CPNE4: variants seen among roughly 807,000 people sequenced by gnomAD.
CPNE4 encodes copine 4, also known as copine-4.
In CPNE4, 25 loss-of-function variants were observed where a neutral mutation model predicts 67.9. That is an observed-to-expected ratio of 0.37 (90% CI 0.27 to 0.51). The LOEUF is 0.51. CPNE4 is among the 20% of genes least tolerant of loss of function. The pLI is 0.93. For missense variants in CPNE4, 464 were observed against 690.8 expected (o/e 0.67, Z 3.68); for synonymous variants, 242 against 244.9 (o/e 0.99, Z 0.11).
At chr3:131,592,404 T>A (rs1298929870) in intron 7 of CPNE4, among the ~76,000 whole-genome samples, 1 of 152,174 alleles carries the variant, frequency 6.6e-6, no homozygotes, top group African/African-American at 2.4e-5. Context: ...TAACTGAGCA[T>A]CTTTTATAAA....
Position 131,783,991 on chromosome 3 carries a change from A to C in CPNE4, c.181-60366T>G, listed in dbSNP as rs182003830. ...AGTCCCAAAGTTCTGACACCATAGG[A>C]AAGTAATTTGAACTTCTCAGAGAAA... On this transcript the variant is annotated intron_variant, in intron 2 of 15. Transcript: ENST00000429747. 1.1e-4 allele frequency among the ~76,000 whole-genome samples: 16 copies of C among 152,200 alleles called. No individual in the cohort carries two copies. The East Asian group carries it at 1.7e-3, about 17-fold the overall frequency.
intron 7 of CPNE4, among the ~76,000 whole-genome samples, chr3:131,644,543 G>A (rs1195889200): frequency 6.6e-6 from 1 of 152,154 alleles, no homozygotes; most frequent in African/African-American, 2.4e-5. Context: ...TTTGCCAACA[G>A]TTATTTTCAG....
At chr3:131,629,030 G>A (rs562356193) in intron 7 of CPNE4, among the ~76,000 whole-genome samples, 41 of 152,106 alleles carry the variant, frequency 2.7e-4, no homozygotes, top group Admixed American at 1.2e-3. Context: ...TTCTCTTGTG[G>A]GCATGTAGTG....
intron 1 of CPNE4, among the ~76,000 whole-genome samples, chr3:131,973,701 T>C (rs1002512464): frequency 7.9e-5 from 12 of 152,186 alleles, no homozygotes; most frequent in Admixed American, 3.3e-4. Flanking sequence ...TCAAAATGTA[T>C]CCATTCCAAA....
At chr3:131,826,876 A>G (rs116172400) in intron 2 of CPNE4, among the ~76,000 whole-genome samples, 3 of 152,190 alleles carry the variant, frequency 2.0e-5, no homozygotes, top group Non-Finnish European at 4.4e-5. Context: ...TACTAAAAAT[A>G]ATTTTTTAAA....
intron 1 of CPNE4, among the ~76,000 whole-genome samples, chr3:131,919,005 C>T (rs181839158): frequency 2.0e-5 from 3 of 152,198 alleles, no homozygotes; most frequent in Admixed American, 2.0e-4. Context: ...GGAAACAGTG[C>T]AGTGTAGGAG....
intron 2 of CPNE4, among the ~76,000 whole-genome samples, chr3:131,737,155 G>A (rs749766276): frequency 2.1e-4 from 16 of 77,052 alleles, no homozygotes; most frequent in Admixed American, 1.8e-3. Flanking sequence ...AGGGAGTCTC[G>A]CTCTGTCACC....
At chr3:131,821,682 A>G (rs2084965870) in intron 2 of CPNE4, among the ~76,000 whole-genome samples, 1 of 152,190 alleles carries the variant, frequency 6.6e-6, no homozygotes, top group Non-Finnish European at 1.5e-5. Context: ...ATGAGGGTGT[A>G]TTAGAAAGGA....
At chr3:131,686,019 A>G (rs2080880716) in intron 5 of CPNE4, 61 bp from the exon 6 acceptor site, 3 of 895,392 alleles carry the variant, frequency 3.4e-6, no homozygotes, top group Non-Finnish European at 5.4e-6. Flanking sequence ...GTCCTGATCA[A>G]TCAGGAATAT....
At chr3:131,842,903 A>T (rs945894062) in intron 2 of CPNE4, among the ~76,000 whole-genome samples, 2 of 152,224 alleles carry the variant, frequency 1.3e-5, no homozygotes, top group Admixed American at 1.3e-4. Flanking sequence ...AACGATATAC[A>T]GCATTTACCC....
chr3:131,653,143 C>CTTTTTTTTT (rs1206489252), intron 7 of CPNE4, among the ~76,000 whole-genome samples: 2 of 98,614 alleles, frequency 2.0e-5, no homozygotes, highest in Non-Finnish European at 3.9e-5. Flanking sequence ...GATAGGACTT[C>CTTTTTTTTT]TTTTTTTTTT....
intron 2 of CPNE4, among the ~76,000 whole-genome samples, chr3:131,801,452 G>GTGTGTGTATATATATATATA (rs761978890): frequency 1.9e-5 from 1 of 53,384 alleles, no homozygotes; most frequent in African/African-American, 7.8e-5. Context: ...GTGTGTGTGT[G>GTGTGTGTATATATATATATA]TATATATATA....
chr3:132,006,827 C>T (rs994681234), intron 1 of CPNE4, among the ~76,000 whole-genome samples: 1 of 152,104 alleles, frequency 6.6e-6, no homozygotes, highest in Non-Finnish European at 1.5e-5. Context: ...TTTGTTATTT[C>T]ACAATTAACT....
At chr3:131,784,771 C>A (rs1250512170) in intron 2 of CPNE4, among the ~76,000 whole-genome samples, 1 of 152,090 alleles carries the variant, frequency 6.6e-6, no homozygotes, top group East Asian at 1.9e-4. Flanking sequence ...AATAACATAC[C>A]TATATTCTAA....
chr3:131,543,046 G>A, intron 14 of CPNE4: 1 of 439,430 alleles, frequency 2.3e-6, no homozygotes, highest in Non-Finnish European at 4.1e-6. Context: ...AAGAGCAGCA[G>A]GCCAAGAGTT....
At chr3:131,587,310 A>G (rs2107701095) in intron 8 of CPNE4, among the ~76,000 whole-genome samples, 174 bp downstream of exon 8, 1 of 152,306 alleles carries the variant, frequency 6.6e-6, no homozygotes, top group South Asian at 2.1e-4. Context: ...AGCACACACA[A>G]TTGCTTTGGG....
chr3:131,928,227 T>C (rs2070951062), intron 1 of CPNE4, among the ~76,000 whole-genome samples: 1 of 150,800 alleles, frequency 6.6e-6, no homozygotes, highest in African/African-American at 2.5e-5. Flanking sequence ...AAATCCAGAA[T>C]AAGCATGTAT....
chr3:132,029,660 G>A (rs1247747460), intron 1 of CPNE4, among the ~76,000 whole-genome samples: 1 of 152,158 alleles, frequency 6.6e-6, no homozygotes, highest in Non-Finnish European at 1.5e-5. Flanking sequence ...CCTTAAACCT[G>A]AGCTTTCTAA....
At chr3:131,984,337 A>G (rs1488679661) in intron 1 of CPNE4, among the ~76,000 whole-genome samples, 1 of 152,218 alleles carries the variant, frequency 6.6e-6, no homozygotes, top group Non-Finnish European at 1.5e-5. Flanking sequence ...ATTAAAAGTA[A>G]AACTGCATAA....
Sources: gnomAD v4.1 joint callset for allele counts (sites outside exome capture counted in the v4.1 genomes callset) on GRCh38, gnomAD v4.1.1 for gene constraint, MANE v1.5 for transcripts, NCBI Gene and HGNC (gene_info 2026-07-23, HGNC 2026-07-21) for gene names.